Variants in LRRC37A2 observed in about 807,000 individuals in gnomAD.
The protein encoded by LRRC37A2 is leucine rich repeat containing 37 member A2, also known as leucine-rich repeat-containing protein 37A2.
LRRC37A2 carries 9 observed loss-of-function variants against 68.8 expected under a neutral mutation model. The ratio of observed to expected loss-of-function variants is 0.13; its 90% confidence interval spans 0.08 to 0.23. The LOEUF (loss-of-function observed/expected upper bound fraction) is 0.23, where lower values mean the gene tolerates loss of function less well. Ranked by LOEUF, LRRC37A2 falls within the 10% of genes least tolerant of loss-of-function variation. The pLI is 1.00. For synonymous variants in LRRC37A2, 63 were observed against 367.6 expected (o/e 0.17, Z 9.48); for missense variants, 168 against 950.4 (o/e 0.18, Z 10.82).
At chr17:46,946,916 A>T in the LRRC37A2 span, among the ~76,000 whole-genome samples, 1 of 152,212 alleles carries the variant, frequency 6.6e-6, no homozygotes. Flanking sequence ...TCAAGTGCCA[A>T]GCAAGTGGGG....
chr17:46,438,550 G>A, the LRRC37A2 span, among the ~76,000 whole-genome samples: 2 of 17,624 alleles, frequency 1.1e-4, no homozygotes, highest in African/African-American at 4.0e-4. Context: ...TCCTGTCAAG[G>A]TATGAATTTT....
At chr17:46,833,334 T>G in the LRRC37A2 span, 1 of 517,118 alleles carries the variant, frequency 1.9e-6, no homozygotes, top group Non-Finnish European at 3.9e-6. Context: ...TGTTGCTTCT[T>G]GTATCAATTG....
At chr17:46,728,727 T>C in the LRRC37A2 span, 2 of 502,400 alleles carry the variant, frequency 4.0e-6, no homozygotes, top group Non-Finnish European at 6.8e-6. Context: ...TTTTTTCTTA[T>C]TCTATACATA....
chr17:46,734,647 A>G, the LRRC37A2 span, among the ~76,000 whole-genome samples: 1 of 152,232 alleles, frequency 6.6e-6, no homozygotes, highest in Non-Finnish European at 1.5e-5. Flanking sequence ...ATAGTGATCA[A>G]CTAAGATAAT....
the LRRC37A2 span, among the ~76,000 whole-genome samples, chr17:46,880,500 G>A: frequency 3.9e-5 from 6 of 152,224 alleles, no homozygotes; most frequent in African/African-American, 1.4e-4. Context: ...GCCTCATGGG[G>A]CTGACATCCT....
At chr17:46,929,653 G>T in the LRRC37A2 span, 1 of 817,658 alleles carries the variant, frequency 1.2e-6, no homozygotes, top group South Asian at 1.3e-5. Context: ...TGGGCTTCCT[G>T]ACTGCACTCT....
At chr17:46,888,247 G>C in the LRRC37A2 span, among the ~76,000 whole-genome samples, 1 of 152,124 alleles carries the variant, frequency 6.6e-6, no homozygotes, top group African/African-American at 2.4e-5. Context: ...TGGGTCAGGT[G>C]GGGAGTTGGA....
At chr17:46,899,166 G>A in the LRRC37A2 span, among the ~76,000 whole-genome samples, 4 of 152,110 alleles carry the variant, frequency 2.6e-5, no homozygotes, top group Admixed American at 6.5e-5. Flanking sequence ...GAGGCTGGCG[G>A]ATCACTTGAG....
At chr17:46,493,411 C>G in the LRRC37A2 span, among the ~76,000 whole-genome samples, 3 of 133,190 alleles carry the variant, frequency 2.3e-5, no homozygotes, top group Admixed American at 2.3e-4. Context: ...ATCTGCCTGC[C>G]TCGGCCTCCC....
At chr17:46,951,113 G>T in the LRRC37A2 span, among the ~76,000 whole-genome samples, 1 of 152,194 alleles carries the variant, frequency 6.6e-6, no homozygotes, top group African/African-American at 2.4e-5. Context: ...TCTCCAGCTT[G>T]AGGGCATCAT....
chr17:46,767,274 C>T, the LRRC37A2 span, among the ~76,000 whole-genome samples: 2 of 152,132 alleles, frequency 1.3e-5, no homozygotes, highest in African/African-American at 2.4e-5. Context: ...CTCATCCCAG[C>T]CACTCTGAAC....
the LRRC37A2 span, among the ~76,000 whole-genome samples, chr17:46,868,544 C>T: frequency 9.0e-4 from 137 of 152,110 alleles, 1 homozygote; most frequent in East Asian, 8.3e-3. Context: ...TGCAGTGAGC[C>T]GAAATCTCAG....
chr17:47,012,196 C>T, the LRRC37A2 span, among the ~76,000 whole-genome samples: 4 of 152,140 alleles, frequency 2.6e-5, no homozygotes, highest in Non-Finnish European at 4.4e-5. Flanking sequence ...TTCAGCTCCA[C>T]ACTATGTATC....
chr17:46,779,103 A>ACACACACACACACACACACCC, the LRRC37A2 span, among the ~76,000 whole-genome samples: 2 of 133,590 alleles, frequency 1.5e-5, no homozygotes, highest in Admixed American at 7.8e-5. Flanking sequence ...ACACACACAC[A>ACACACACACACACACACACCC]CCCCAGCCCA....
chr17:46,554,038 CTTTTA>C (rs2057101724), intron 12 of LRRC37A2: 1 of 994,792 alleles, frequency 1.0e-6, no homozygotes, highest in African/African-American at 1.8e-5. Context: ...AGTATTTTCT[CTTTTA>C]TTTCTTTTTT....
chr17:46,891,073 G>A, the LRRC37A2 span, among the ~76,000 whole-genome samples: 2 of 151,670 alleles, frequency 1.3e-5, no homozygotes, highest in African/African-American at 4.9e-5. Context: ...AGCACCTGAT[G>A]GGGAGAGACA....
chr17:46,769,330 A>G, the LRRC37A2 span, among the ~76,000 whole-genome samples: 2 of 151,970 alleles, frequency 1.3e-5, no homozygotes, highest in Non-Finnish European at 2.9e-5. Flanking sequence ...AAAAAAAAAA[A>G]AAGAAAAGAA....
chr17:46,532,055 G>T (rs1423224680), intron 6 of LRRC37A2, among the ~76,000 whole-genome samples: 1 of 150,242 alleles, frequency 6.7e-6, no homozygotes, highest in Admixed American at 6.6e-5. Context: ...TTACACTCAA[G>T]CCTGGGCAAC....
the LRRC37A2 span, among the ~76,000 whole-genome samples, chr17:46,967,792 A>C: frequency 6.6e-6 from 1 of 152,180 alleles, no homozygotes; most frequent in Non-Finnish European, 1.5e-5. Context: ...GTTCTGGGCA[A>C]ATCACCTTGG....
Sources: allele counts gnomAD v4.1 joint callset (sites outside exome capture counted in the v4.1 genomes callset), GRCh38; gene constraint gnomAD v4.1.1; transcripts MANE v1.5; gene names NCBI Gene and HGNC (gene_info 2026-07-23, HGNC 2026-07-21).